The following MYRIP variants were observed in gnomAD, a reference collection of about 807,000 sequenced individuals.
MYRIP encodes the protein myosin VIIA and Rab interacting protein.
Under a neutral mutation model 98.0 loss-of-function variants are expected in MYRIP, and 49 were observed. The ratio of observed to expected loss-of-function variants is 0.50; its 90% CI spans 0.40 to 0.63. The LOEUF is 0.63. Among genes scored for constraint, MYRIP ranks in the 30% least tolerant of loss-of-function variants. The pLI is 0.00. For synonymous variants in MYRIP, 404 were observed against 409.5 expected (o/e 0.99, Z 0.16); for missense variants, 1,004 against 1,058.2 (o/e 0.95, Z 0.71).
chr3:39,920,146 C>T (rs1238973052), intron 2 of MYRIP, among the ~76,000 whole-genome samples: 1 of 152,094 alleles, frequency 6.6e-6, no homozygotes, highest in Non-Finnish European at 1.5e-5. Flanking sequence ...TTTGGGCAAC[C>T]TCTAGAACAC....
chr3:39,920,429 T>C (rs1944279766), intron 2 of MYRIP, among the ~76,000 whole-genome samples: 1 of 152,200 alleles, frequency 6.6e-6, no homozygotes, highest in Non-Finnish European at 1.5e-5. Flanking sequence ...TTATTTTGTA[T>C]ATTCACTCAC....
chr3:40,074,903 G>A (rs1329725630), intron 3 of MYRIP, among the ~76,000 whole-genome samples: 2 of 152,106 alleles, frequency 1.3e-5, no homozygotes, highest in Non-Finnish European at 2.9e-5. Flanking sequence ...TGCAAATTAA[G>A]ACTCTTTTCC....
At chr3:40,158,568 G>T (rs905977019) in intron 4 of MYRIP, among the ~76,000 whole-genome samples, 1 of 152,050 alleles carries the variant, frequency 6.6e-6, no homozygotes, top group East Asian at 1.9e-4. Flanking sequence ...TTCCTGTCTC[G>T]TTGATCTGTC....
intron 1 of MYRIP, among the ~76,000 whole-genome samples, chr3:39,838,650 G>C (rs1575290847): frequency 6.6e-6 from 1 of 151,898 alleles, no homozygotes; most frequent in African/African-American, 2.4e-5. Flanking sequence ...TGTTCTTCAG[G>C]GTTATTGGCC....
At chr3:39,835,420 A>AT (rs1941588870) in intron 1 of MYRIP, among the ~76,000 whole-genome samples, 2 of 152,284 alleles carry the variant, frequency 1.3e-5, no homozygotes, top group South Asian at 4.1e-4. Flanking sequence ...AGATTGGCAG[A>AT]TTTTTATCCC....
intron 11 of MYRIP, among the ~76,000 whole-genome samples, chr3:40,214,632 T>C (rs912790900): frequency 6.6e-6 from 1 of 152,114 alleles, no homozygotes; most frequent in African/African-American, 2.4e-5. Context: ...TCTTGGAAAC[T>C]GGATTCCCAA....
chr3:39,968,629 G>A (rs796438349), intron 2 of MYRIP, among the ~76,000 whole-genome samples: 23 of 152,162 alleles, frequency 1.5e-4, no homozygotes, highest in African/African-American at 5.3e-4. Flanking sequence ...AAGATCAGAT[G>A]GTCATAGGTG....
chr3:40,242,451 T>G (rs1418263810), intron 12 of MYRIP: 3 of 151,684 alleles, frequency 2.0e-5, no homozygotes, highest in Non-Finnish European at 4.4e-5. Context: ...CATTCTGGCC[T>G]TGCTGAGGGC....
At chr3:40,224,084 G>A (rs1468759466) in intron 11 of MYRIP, among the ~76,000 whole-genome samples, 1 of 152,172 alleles carries the variant, frequency 6.6e-6, no homozygotes, top group Non-Finnish European at 1.5e-5. Context: ...CTAGAGCAAT[G>A]TGGCCAAGGG....
chr3:39,936,622 C>A (rs1455472747), intron 2 of MYRIP, among the ~76,000 whole-genome samples: 1 of 152,154 alleles, frequency 6.6e-6, no homozygotes, highest in South Asian at 2.1e-4. Context: ...CTCAGGGAGA[C>A]ACTGTCACAG....
chr3:40,154,286 C>T (rs1950174921), intron 4 of MYRIP, among the ~76,000 whole-genome samples: 1 of 152,156 alleles, frequency 6.6e-6, no homozygotes, highest in Non-Finnish European at 1.5e-5. Flanking sequence ...CAGCAGCTGA[C>T]CAGATTAGGC....
intron 1 of MYRIP, among the ~76,000 whole-genome samples, chr3:39,874,154 G>A (rs1316595469): frequency 1.3e-5 from 2 of 152,066 alleles, no homozygotes; most frequent in Non-Finnish European, 2.9e-5. Flanking sequence ...TGTTGTTGGC[G>A]TATAAGAATG....
chr3:40,196,429 C>CAAGT (rs1388918721), intron 10 of MYRIP, among the ~76,000 whole-genome samples: 2 of 152,170 alleles, frequency 1.3e-5, no homozygotes, highest in African/African-American at 4.8e-5. Flanking sequence ...CAAACTTTTC[C>CAAGT]AAGTAATTGA....
chr3:40,184,347 TCA>T (rs1266901439), intron 9 of MYRIP, among the ~76,000 whole-genome samples: 1 of 152,048 alleles, frequency 6.6e-6, no homozygotes, highest in African/African-American at 2.4e-5. Flanking sequence ...ACATACAGAG[TCA>T]CTTAAAGTAT....
chr3:39,926,057 T>G (rs1575385059), intron 2 of MYRIP, among the ~76,000 whole-genome samples: 1 of 152,214 alleles, frequency 6.6e-6, no homozygotes, highest in Middle Eastern at 3.4e-3. Context: ...CTCATAGTGG[T>G]TTTGATTTGT....
At chr3:40,167,301 T>C in intron 7 of MYRIP, 62 bp downstream of exon 7, 1 of 1,460,608 alleles carries the variant, frequency 6.8e-7, no homozygotes, top group South Asian at 1.2e-5. Context: ...GCAGGGACTC[T>C]GGCAAGTAGC....
Position 39,833,516 on chromosome 3 carries a change from C to G in MYRIP, c.-31+23600C>G, listed in dbSNP as rs193160418. ...CCTGGCTGGGCTAGATGGAGGTAAACTCGTTAGGGGTTGTCACTCACTGCT... is the reference window on the plus strand; with the variant it reads ...CCTGGCTGGGCTAGATGGAGGTAAAGTCGTTAGGGGTTGTCACTCACTGCT... On this transcript the variant is annotated intron_variant, in intron 1 of 16. Coordinates refer to ENST00000302541, the MANE Select transcript of MYRIP (RefSeq NM_015460.4). Among the ~76,000 whole-genome samples the G allele has an allele frequency of 1.7e-3, 256 of 152,154 alleles. 2 individuals carry two copies. Among genetic ancestry groups the G allele is most frequent in the African/African-American group, 5.8e-3 (241 of 41,508 alleles).
chr3:40,078,454 G>T (rs564003570), intron 3 of MYRIP, among the ~76,000 whole-genome samples: 22 of 152,358 alleles, frequency 1.4e-4, no homozygotes, highest in African/African-American at 5.0e-4. Flanking sequence ...CGAGGGCTGT[G>T]AGGACTGCCA....
At chr3:40,145,562 T>G in intron 3 of MYRIP, among the ~76,000 whole-genome samples, 1 of 152,258 alleles carries the variant, frequency 6.6e-6, no homozygotes, top group South Asian at 2.1e-4. Context: ...CTTTCAGGGG[T>G]TTCTCTTTAA....
Sources: allele counts gnomAD v4.1 joint callset (sites outside exome capture counted in the v4.1 genomes callset), GRCh38; gene constraint gnomAD v4.1.1; transcripts MANE v1.5; gene names NCBI Gene and HGNC (gene_info 2026-07-23, HGNC 2026-07-21).